The following ZFAND3 variants were observed in gnomAD, a reference collection of about 807,000 sequenced individuals.
The protein encoded by ZFAND3 is AN1-type zinc finger protein 3.
In ZFAND3, 10 loss-of-function variants were observed where a neutral mutation model predicts 29.6. The ratio of observed to expected loss-of-function variants is 0.34; its 90% CI spans 0.21 to 0.57. The LOEUF (loss-of-function observed/expected upper bound fraction) is 0.57. ZFAND3 is among the 20% of genes least tolerant of loss of function. ZFAND3 has a pLI of 0.86. For synonymous variants in ZFAND3, 128 were observed against 112.6 expected (o/e 1.14, Z -0.87); for missense variants, 230 against 304.5 (o/e 0.76, Z 1.82).
chr6:37,837,664 C>T (rs1258228759), intron 1 of ZFAND3, among the ~76,000 whole-genome samples: 1 of 152,022 alleles, frequency 6.6e-6, no homozygotes, highest in Non-Finnish European at 1.5e-5. Context: ...GCCACCACAC[C>T]CGGCTAACTT....
intron 3 of ZFAND3, among the ~76,000 whole-genome samples, chr6:38,077,839 A>G (rs1229184788): frequency 1.3e-5 from 2 of 152,136 alleles, no homozygotes; most frequent in African/African-American, 2.4e-5. Flanking sequence ...CCTCCAAACC[A>G]CTGTTCTTGA....
At chr6:38,102,742 T>C (rs1765118439) in intron 4 of ZFAND3, among the ~76,000 whole-genome samples, 1 of 152,180 alleles carries the variant, frequency 6.6e-6, no homozygotes, top group African/African-American at 2.4e-5. Flanking sequence ...ACTCTGTATT[T>C]CTAGAAAGTT....
At chr6:38,090,383 A>G (rs1030063451) in intron 4 of ZFAND3, among the ~76,000 whole-genome samples, 11 of 152,238 alleles carry the variant, frequency 7.2e-5, no homozygotes, top group Non-Finnish European at 1.5e-4. Context: ...AGAAAGATCA[A>G]AACAGTAAAT....
chr6:38,008,689 T>C (rs759344573), intron 2 of ZFAND3, among the ~76,000 whole-genome samples: 9 of 152,206 alleles, frequency 5.9e-5, no homozygotes, highest in Non-Finnish European at 7.4e-5. Flanking sequence ...CCCCACCCCA[T>C]TGCTTTTTTC....
intron 1 of ZFAND3, among the ~76,000 whole-genome samples, chr6:37,835,415 C>G (rs549804551): frequency 6.6e-6 from 1 of 151,868 alleles, no homozygotes; most frequent in South Asian, 2.1e-4. Context: ...CCCCAGCCTC[C>G]CAAAGTGCTG....
intron 2 of ZFAND3, among the ~76,000 whole-genome samples, chr6:38,031,370 C>A (rs1044234244): frequency 6.6e-6 from 1 of 152,238 alleles, no homozygotes; most frequent in Non-Finnish European, 1.5e-5. Flanking sequence ...TCCTGATCTT[C>A]AGCAGATCTA....
intron 2 of ZFAND3, among the ~76,000 whole-genome samples, chr6:38,008,874 C>G (rs542068613): frequency 6.6e-6 from 1 of 151,692 alleles, no homozygotes; most frequent in Non-Finnish European, 1.5e-5. Context: ...AAAAAAAAAT[C>G]ACAATGGGAT....
At chr6:38,007,591 T>G (rs1406644448) in intron 2 of ZFAND3, among the ~76,000 whole-genome samples, 1 of 152,170 alleles carries the variant, frequency 6.6e-6, no homozygotes, top group Non-Finnish European at 1.5e-5. Flanking sequence ...GATTTAGGAA[T>G]TGCTAATCAA....
chr6:38,022,220 A>G (rs1025218174), intron 2 of ZFAND3, among the ~76,000 whole-genome samples: 2 of 152,218 alleles, frequency 1.3e-5, no homozygotes, highest in African/African-American at 4.8e-5. Context: ...TTAAAATTTG[A>G]GAAGCTCCGA....
chr6:37,834,610 A>G (rs573864931), intron 1 of ZFAND3, among the ~76,000 whole-genome samples: 18 of 152,306 alleles, frequency 1.2e-4, no homozygotes, highest in South Asian at 2.1e-4. Context: ...TTGCATTCCT[A>G]TCAGCAGTGA....
intron 1 of ZFAND3, among the ~76,000 whole-genome samples, chr6:37,824,508 A>T (rs1763724568): frequency 6.6e-6 from 1 of 152,234 alleles, no homozygotes; most frequent in African/African-American, 2.4e-5. Flanking sequence ...ATTCTATTTA[A>T]GTACAGAAAT....
At chr6:37,824,635 A>G (rs1174090272) in intron 1 of ZFAND3, among the ~76,000 whole-genome samples, 5 of 152,228 alleles carry the variant, frequency 3.3e-5, no homozygotes, top group African/African-American at 4.8e-5. Flanking sequence ...ATAAATGTTC[A>G]GTCTGGTATT....
At chr6:37,877,773 T>C (rs1273123350) in intron 1 of ZFAND3, among the ~76,000 whole-genome samples, 2 of 152,294 alleles carry the variant, frequency 1.3e-5, no homozygotes, top group East Asian at 3.9e-4. Context: ...TAGCTTCTTC[T>C]GGGAACTACT....
chr6:38,139,444 A>G (rs11757654), intron 5 of ZFAND3, among the ~76,000 whole-genome samples: 10,494 of 152,288 alleles, frequency 0.069, 433 homozygotes, highest in Non-Finnish European at 0.088. Context: ...GAAAAGTTCA[A>G]GATGCCTTGA....
intron 5 of ZFAND3, among the ~76,000 whole-genome samples, chr6:38,148,657 G>A (rs999468765): frequency 5.9e-5 from 9 of 152,162 alleles, no homozygotes; most frequent in Admixed American, 2.6e-4. Flanking sequence ...GACACTTGTA[G>A]TGGTTTCTGG....
chr6:38,047,109 G>T (rs948000012), intron 2 of ZFAND3, among the ~76,000 whole-genome samples: 6 of 152,016 alleles, frequency 3.9e-5, no homozygotes, highest in Non-Finnish European at 8.8e-5. Flanking sequence ...TTGAGGTCAG[G>T]AGTTCAAGAC....
Position 37,956,746 on chromosome 6 carries a change from C to T in ZFAND3, c.112+26747C>T, listed in dbSNP as rs114151791. ...TTTTGCATATATTTCTAAGGAGGTT[C>T]ATGAATTTTATTGAGGCACTTGCAT... On this transcript the variant is annotated intron_variant, in intron 2 of 5. Transcript: ENST00000287218. Among the ~76,000 whole-genome samples, 469 of 152,232 alleles carry T rather than the reference C, an allele frequency of 3.1e-3. 3 individuals carry two copies. Among genetic ancestry groups the T allele is most frequent in the African/African-American group, 0.011 (446 of 41,512 alleles).
chr6:38,018,551 C>G (rs1382003652), intron 2 of ZFAND3, among the ~76,000 whole-genome samples: 1 of 152,132 alleles, frequency 6.6e-6, no homozygotes, highest in African/African-American at 2.4e-5. Context: ...TTTTGTTTTT[C>G]ATATTTACAC....
At chr6:38,108,419 C>T (rs1361045672) in intron 4 of ZFAND3, among the ~76,000 whole-genome samples, 1 of 152,126 alleles carries the variant, frequency 6.6e-6, no homozygotes, top group Non-Finnish European at 1.5e-5. Flanking sequence ...CCAATAGTGG[C>T]TCAGTCCAAG....
Sources: allele counts gnomAD v4.1 joint callset (sites outside exome capture counted in the v4.1 genomes callset), GRCh38; gene constraint gnomAD v4.1.1; transcripts MANE v1.5; gene names NCBI Gene and HGNC (gene_info 2026-07-23, HGNC 2026-07-21).